Variants in ROBO2 observed in about 807,000 individuals in gnomAD.
The protein encoded by ROBO2 is roundabout guidance receptor 2.
In ROBO2, 53 loss-of-function variants were observed where a neutral mutation model predicts 160.8. The ratio of observed to expected loss-of-function variants is 0.33; its 90% CI spans 0.26 to 0.41. The LOEUF is 0.41. Ranked by LOEUF, ROBO2 falls within the 10% of genes least tolerant of loss-of-function variation. The probability of loss-of-function intolerance (pLI) is 1.00; values close to 1 mark genes in which losing one functional copy is unlikely to be tolerated. For missense variants in ROBO2, 1,577 were observed against 1,722.4 expected, an observed-to-expected ratio of 0.92 and a Z score of 1.49; for synonymous variants, 664 against 611.7, an observed-to-expected ratio of 1.09 and a Z score of -1.26.
At chr3:76,023,244 A>G (rs2066628175) in intron 2 of ROBO2, among the ~76,000 whole-genome samples, 1 of 151,664 alleles carries the variant, frequency 6.6e-6, no homozygotes, top group Non-Finnish European at 1.5e-5. Context: ...TCATTTGTTC[A>G]CTGTAGTAGC....
chr3:77,586,685 G>A (rs186032581), intron 16 of ROBO2, among the ~76,000 whole-genome samples: 3 of 151,684 alleles, frequency 2.0e-5, no homozygotes, highest in East Asian at 1.9e-4. Flanking sequence ...CAAAAATGAA[G>A]GCCAAATTTT....
chr3:76,864,055 G>C (rs2071099473), intron 2 of ROBO2, among the ~76,000 whole-genome samples: 1 of 151,954 alleles, frequency 6.6e-6, no homozygotes. Flanking sequence ...CTCTGGTAGA[G>C]TAATCTACTA....
At chr3:77,252,833 T>A (rs9817706) in intron 2 of ROBO2, among the ~76,000 whole-genome samples, 625 of 70,728 alleles carry the variant, frequency 8.8e-3, no homozygotes, top group African/African-American at 0.031. Context: ...AAAAAAAAAA[T>A]ATATATATAT....
chr3:77,575,439 A>G (rs1020384387), intron 14 of ROBO2, among the ~76,000 whole-genome samples: 1 of 152,122 alleles, frequency 6.6e-6, no homozygotes, highest in Non-Finnish European at 1.5e-5. Flanking sequence ...ACTCTTGTAA[A>G]AAGCCCTTTC....
At chr3:77,478,978 A>T (rs2153586814) in intron 3 of ROBO2, among the ~76,000 whole-genome samples, 1 of 152,308 alleles carries the variant, frequency 6.6e-6, no homozygotes, top group Admixed American at 6.5e-5. Flanking sequence ...ATTTATATGT[A>T]AGTGCAAGGG....
chr3:76,971,349 A>C (rs1435134396), intron 2 of ROBO2, among the ~76,000 whole-genome samples: 1 of 152,092 alleles, frequency 6.6e-6, no homozygotes, highest in Non-Finnish European at 1.5e-5. Flanking sequence ...TATACTAAAC[A>C]TTTCCATTTT....
chr3:76,146,961 G>T (rs2071931561), intron 2 of ROBO2, among the ~76,000 whole-genome samples: 1 of 146,934 alleles, frequency 6.8e-6, no homozygotes, highest in Non-Finnish European at 1.5e-5. Flanking sequence ...CACACAATGG[G>T]GCCTTCTGGA....
At chr3:76,348,688 C>A (rs140340639) in intron 2 of ROBO2, among the ~76,000 whole-genome samples, 1 of 152,060 alleles carries the variant, frequency 6.6e-6, no homozygotes, top group Admixed American at 6.6e-5. Flanking sequence ...TGTGCTATAT[C>A]TGCTTCTCCA....
chr3:76,512,556 G>C (rs543408026), intron 2 of ROBO2, among the ~76,000 whole-genome samples: 1 of 152,120 alleles, frequency 6.6e-6, no homozygotes, highest in East Asian at 1.9e-4. Context: ...ATTGCTTACT[G>C]CTTCTCAGTA....
At chr3:76,761,821 G>A (rs2061324598) in intron 2 of ROBO2, among the ~76,000 whole-genome samples, 1 of 151,592 alleles carries the variant, frequency 6.6e-6, no homozygotes, top group African/African-American at 2.4e-5. Context: ...ACTTTCTAAG[G>A]CTCCATTTCC....
intron 2 of ROBO2, among the ~76,000 whole-genome samples, chr3:77,246,927 T>C (rs2089795481): frequency 2.0e-5 from 3 of 152,194 alleles, no homozygotes; most frequent in South Asian, 4.1e-4. Context: ...TACATGTTTA[T>C]TGGGCTCTCC....
chr3:76,441,915 A>G (rs1559951149), intron 2 of ROBO2, among the ~76,000 whole-genome samples: 3 of 152,198 alleles, frequency 2.0e-5, no homozygotes, highest in Non-Finnish European at 4.4e-5. Context: ...CCTTTAATTT[A>G]GTAAATGTGC....
At chr3:76,670,030 ATAG>A (rs558528109) in intron 2 of ROBO2, among the ~76,000 whole-genome samples, 3 of 152,184 alleles carry the variant, frequency 2.0e-5, no homozygotes, top group Admixed American at 6.6e-5. Flanking sequence ...AAAGCTGAAT[ATAG>A]TAAGTGTCTT....
At chr3:76,033,691 GAAGAGAT>G (rs2067005113) in intron 2 of ROBO2, among the ~76,000 whole-genome samples, 1 of 152,218 alleles carries the variant, frequency 6.6e-6, no homozygotes, top group South Asian at 2.1e-4. Flanking sequence ...GCAGGATGAA[GAAGAGAT>G]AACTCGTCCA....
chr3:77,350,322 C>T (rs2068184868), intron 2 of ROBO2, among the ~76,000 whole-genome samples: 2 of 152,028 alleles, frequency 1.3e-5, no homozygotes, highest in African/African-American at 2.4e-5. Context: ...TGTCTCTGCA[C>T]TCCAGCTTGG....
At chr3:76,584,209 G>A (rs1203622007) in intron 2 of ROBO2, among the ~76,000 whole-genome samples, 2 of 152,170 alleles carry the variant, frequency 1.3e-5, no homozygotes, top group Middle Eastern at 3.4e-3. Flanking sequence ...AGCAGGAAAT[G>A]GTACCAACGT....
intron 2 of ROBO2, among the ~76,000 whole-genome samples, chr3:76,147,014 G>C (rs1442846369): frequency 2.0e-5 from 3 of 150,990 alleles, no homozygotes. Flanking sequence ...AAAAATAAGA[G>C]TACTAGGTTT....
At chr3:76,389,785 A>G (rs1475773681) in intron 2 of ROBO2, among the ~76,000 whole-genome samples, 1 of 150,302 alleles carries the variant, frequency 6.7e-6, no homozygotes, top group East Asian at 1.9e-4. Context: ...CATCTATATT[A>G]AAATTAAGTT....
intron 2 of ROBO2, among the ~76,000 whole-genome samples, chr3:76,647,222 G>A (rs187153953): frequency 2.6e-5 from 4 of 152,290 alleles, no homozygotes; most frequent in Non-Finnish European, 5.9e-5. Flanking sequence ...CTATGATGTA[G>A]CTAGCTCTGC....
Sources: allele counts gnomAD v4.1 joint callset (sites outside exome capture counted in the v4.1 genomes callset), GRCh38; gene constraint gnomAD v4.1.1; transcripts MANE v1.5; gene names NCBI Gene and HGNC (gene_info 2026-07-23, HGNC 2026-07-21).